Variants in FMNL2 observed in about 807,000 individuals in gnomAD.
FMNL2 encodes the protein formin like 2, also known as formin-like protein 2.
A neutral mutation model predicts 130.2 loss-of-function variants in FMNL2; 51 were observed. The observed-to-expected ratio is 0.39, with a 90% confidence interval of 0.31 to 0.49. The LOEUF (loss-of-function observed/expected upper bound fraction) is 0.49. Ranked by LOEUF, FMNL2 falls within the 20% of genes least tolerant of loss-of-function variation. The pLI is 0.85. For synonymous variants in FMNL2, 465 were observed against 467.1 expected (o/e 1.00, Z 0.06); for missense variants, 977 against 1,316.2 (o/e 0.74, Z 3.99).
chr2:152,621,113 C>G, intron 15 of FMNL2: 3 of 985,392 alleles, frequency 3.0e-6, no homozygotes, highest in Non-Finnish European at 3.6e-6. Context: ...GGTGTGGAAA[C>G]CCATTATCGT....
chr2:152,363,301 T>C (rs1221184012), intron 1 of FMNL2, among the ~76,000 whole-genome samples: 1 of 152,244 alleles, frequency 6.6e-6, no homozygotes, highest in African/African-American at 2.4e-5. Flanking sequence ...GTTTGGATTA[T>C]AACTAAATGG....
chr2:152,382,256 G>A (rs553668878), intron 1 of FMNL2, among the ~76,000 whole-genome samples: 6 of 152,256 alleles, frequency 3.9e-5, no homozygotes, highest in South Asian at 2.1e-4. Context: ...ATTTTTGTGC[G>A]GAAGTTTTTG....
At position 152,639,951 on chromosome 2, in the gene FMNL2, T is replaced by C. The variant is rs1326804154; in HGVS notation, c.2947-7T>C. The C allele has an allele frequency of 6.5e-7, 1 of 1,542,402 alleles. No individual in the cohort carries two copies. Among genetic ancestry groups the C allele is most frequent in the Non-Finnish European group, 8.7e-7 (1 of 1,146,244 alleles). ...CATCATCTTTCTGGTTCTTTTGATTTACCCAGCAAGCAGAAGAGGAAAATG... is the reference window on the plus strand; with the variant it reads ...CATCATCTTTCTGGTTCTTTTGATTCACCCAGCAAGCAGAAGAGGAAAATG... On this transcript the variant is annotated splice_polypyrimidine_tract_variant and splice_region_variant and intron_variant, in intron 23 of 25. Transcript: ENST00000288670.
chr2:152,475,467 G>GT (rs1319601427), intron 1 of FMNL2, among the ~76,000 whole-genome samples: 5 of 151,634 alleles, frequency 3.3e-5, no homozygotes, highest in South Asian at 4.2e-4. Context: ...TAAAAGAATA[G>GT]TTTTTTTTGG....
intron 1 of FMNL2, among the ~76,000 whole-genome samples, chr2:152,352,623 C>T (rs142095373): frequency 2.2e-3 from 337 of 152,126 alleles, no homozygotes; most frequent in African/African-American, 7.9e-3. Flanking sequence ...ACATATCCTT[C>T]AGAAAAATTA....
chr2:152,412,761 T>G (rs1686392777), intron 1 of FMNL2, among the ~76,000 whole-genome samples: 1 of 151,854 alleles, frequency 6.6e-6, no homozygotes. Context: ...GAGCCATGAT[T>G]GTGCTGCTGC....
intron 1 of FMNL2, among the ~76,000 whole-genome samples, chr2:152,488,133 A>T (rs1690941987): frequency 6.6e-6 from 1 of 152,196 alleles, no homozygotes; most frequent in South Asian, 2.1e-4. Context: ...AAAGTGTTTC[A>T]TTTTAGTACT....
chr2:152,575,486 G>C (rs1696425688), intron 7 of FMNL2, among the ~76,000 whole-genome samples: 1 of 151,456 alleles, frequency 6.6e-6, no homozygotes, highest in Admixed American at 6.6e-5. Context: ...GTTCTCTTTG[G>C]TTTCTTTGTA....
chr2:152,463,233 T>C lies in FMNL2; in HGVS notation c.118-58710T>C, dbSNP rs539647094. 1.2e-4 allele frequency among the ~76,000 whole-genome samples: 19 copies of C among 152,330 alleles called. No individual in the cohort carries two copies. The South Asian group carries it at 2.7e-3, about 22-fold the overall frequency. On this transcript the variant is annotated intron_variant, in intron 1 of 25. Coordinates refer to ENST00000288670, the MANE Select transcript of FMNL2 (RefSeq NM_052905.4). ...CAGTTATACTTGCTCCTGAAATAAATTTTTTTCTTACCTTTTTGAAATAAT... is the reference window on the plus strand; with the variant it reads ...CAGTTATACTTGCTCCTGAAATAAACTTTTTTCTTACCTTTTTGAAATAAT...
chr2:152,643,573 T>TC lies in FMNL2; in HGVS notation c.3169+2664dup. 5.2e-6 allele frequency: 8 copies of TC among 1,532,276 alleles called. No homozygotes were observed. The South Asian group carries it at 7.2e-5, about 14-fold the overall frequency. The allele number at this position is 1,532,276 out of a possible 1,614,324, so 94.9% of individuals were successfully genotyped here. ...GCTACAGGTTTTTTGATGTCTTATG[T>TC]CCCCCTCTGTGTGTCTGTCAGGGCC... On this transcript the variant is annotated intron_variant, in intron 25 of 25. Transcript: ENST00000288670.
intron 3 of FMNL2, among the ~76,000 whole-genome samples, chr2:152,544,679 A>G (rs1248741076): frequency 6.6e-6 from 1 of 152,160 alleles, no homozygotes; most frequent in Non-Finnish European, 1.5e-5. Flanking sequence ...CTCATGCAGA[A>G]TTCATCCTAC....
intron 1 of FMNL2, among the ~76,000 whole-genome samples, chr2:152,392,318 C>T (rs555965341): frequency 1.4e-3 from 211 of 152,246 alleles, no homozygotes; most frequent in Middle Eastern, 6.8e-3. Context: ...TTCTCTCCCC[C>T]CCACTCATCA....
rs189158359 is a variant in FMNL2, at chr2:152,444,988, C to T, written c.118-76955C>T. ...AAACAGTTCTGTCGTTCTCCTCTGGCAAAGCCAGTTGGGGGAGGTATCTTG... is the reference window on the plus strand; with the variant it reads ...AAACAGTTCTGTCGTTCTCCTCTGGTAAAGCCAGTTGGGGGAGGTATCTTG... On this transcript the variant is annotated intron_variant, in intron 1 of 25. Coordinates refer to ENST00000288670, the MANE Select transcript of FMNL2 (RefSeq NM_052905.4). 4.7e-4 allele frequency among the ~76,000 whole-genome samples: 72 copies of T among 152,348 alleles called. 2 individuals are homozygous for T. The East Asian group carries it at 0.013, about 27-fold the overall frequency.
chr2:152,467,845 T>A (rs777127743), intron 1 of FMNL2, among the ~76,000 whole-genome samples: 76 of 152,242 alleles, frequency 5.0e-4, no homozygotes, highest in African/African-American at 1.7e-3. Context: ...TGCCAGGCAC[T>A]GTGCTAAGCT....
At chr2:152,601,815 G>A (rs934670346) in intron 9 of FMNL2, among the ~76,000 whole-genome samples, 5 of 151,530 alleles carry the variant, frequency 3.3e-5, no homozygotes, top group South Asian at 2.1e-4. Context: ...GATTACAGGC[G>A]CCCGCCACCA....
At chr2:152,409,894 A>C (rs755886056) in intron 1 of FMNL2, among the ~76,000 whole-genome samples, 7 of 152,240 alleles carry the variant, frequency 4.6e-5, no homozygotes, top group Non-Finnish European at 7.3e-5. Context: ...CAGGGTTATC[A>C]AAATAAAGAA....
At position 152,624,109 on chromosome 2, in the gene FMNL2, C is replaced by T. The variant is rs527786533; in HGVS notation, c.1838-1329C>T. 2.2e-3 allele frequency among the ~76,000 whole-genome samples: 236 copies of T among 105,898 alleles called. 4 individuals carry two copies. Among genetic ancestry groups the T allele is most frequent in the African/African-American group, 7.6e-3 (203 of 26,756 alleles). The allele number at this position is 105,898 out of a possible 152,430, so 69.5% of individuals were successfully genotyped here. The stretch of plus-strand genomic sequence containing the variant: ...CCTTCGCCTCCCCTCCCCTCCCTTC[C>T]CTTCCCTTCCTTCCCATCTCAAAAA... On this transcript the variant is annotated intron_variant, in intron 15 of 25. Coordinates refer to ENST00000288670, the MANE Select transcript of FMNL2 (RefSeq NM_052905.4).
At chr2:152,631,804 T>G (rs906194431) in intron 20 of FMNL2, among the ~76,000 whole-genome samples, 1 of 152,146 alleles carries the variant, frequency 6.6e-6, no homozygotes, top group Non-Finnish European at 1.5e-5. Flanking sequence ...TGTGCCCTGG[T>G]TGGAAAGTCC....
At chr2:152,341,479 G>C (rs1372484401) in intron 1 of FMNL2, among the ~76,000 whole-genome samples, 3 of 152,196 alleles carry the variant, frequency 2.0e-5, no homozygotes, top group Non-Finnish European at 4.4e-5. Flanking sequence ...GTGATAAGAA[G>C]TACTTTGGCT....
Sources: allele counts gnomAD v4.1 joint callset (sites outside exome capture counted in the v4.1 genomes callset), GRCh38; gene constraint gnomAD v4.1.1; transcripts MANE v1.5; gene names NCBI Gene and HGNC (gene_info 2026-07-23, HGNC 2026-07-21).